THSD7B: variants seen among roughly 807,000 people sequenced by gnomAD.
THSD7B encodes thrombospondin type 1 domain containing 7B, also known as thrombospondin type-1 domain-containing protein 7B.
THSD7B carries 138 observed loss-of-function variants against 213.6 expected under a neutral mutation model. The ratio of observed to expected loss-of-function variants is 0.65; its 90% CI spans 0.56 to 0.74. THSD7B has a LOEUF of 0.74. THSD7B is among the 30% of genes least tolerant of loss of function. The pLI is 0.00. For missense variants in THSD7B, 1,931 were observed against 1,991.5 expected (o/e 0.97, Z 0.58); for synonymous variants, 742 against 687.0 (o/e 1.08, Z -1.25).
intron 2 of THSD7B, among the ~76,000 whole-genome samples, chr2:137,013,006 C>T (rs1049288402): frequency 3.3e-5 from 5 of 152,068 alleles, no homozygotes; most frequent in African/African-American, 7.2e-5. Flanking sequence ...CTTAGCCGGT[C>T]AAGATAACTC....
intron 5 of THSD7B, among the ~76,000 whole-genome samples, chr2:137,146,729 G>T (rs1573852191): frequency 1.3e-5 from 2 of 152,020 alleles, no homozygotes; most frequent in East Asian, 3.9e-4. Context: ...CACATATGCA[G>T]ATATATAGCA....
intron 7 of THSD7B, among the ~76,000 whole-genome samples, chr2:137,204,948 A>C (rs757076027): frequency 6.6e-6 from 1 of 152,080 alleles, no homozygotes; most frequent in Admixed American, 6.6e-5. Context: ...AATCTTCGTC[A>C]TCAGGGAATA....
chr2:137,629,082 C>T (rs1682691414), intron 20 of THSD7B, among the ~76,000 whole-genome samples: 1 of 152,106 alleles, frequency 6.6e-6, no homozygotes. Context: ...CAGTTATTGG[C>T]ACACTGAAAG....
At chr2:137,553,009 G>A (rs1354902783) in intron 15 of THSD7B, among the ~76,000 whole-genome samples, 1 of 151,276 alleles carries the variant, frequency 6.6e-6, no homozygotes, top group Non-Finnish European at 1.5e-5. Flanking sequence ...CTTATGGAAA[G>A]AGCTCACAAC....
At chr2:137,019,677 A>G (rs1468355634) in intron 2 of THSD7B, among the ~76,000 whole-genome samples, 1 of 152,142 alleles carries the variant, frequency 6.6e-6, no homozygotes, top group African/African-American at 2.4e-5. Flanking sequence ...AATTCTTTGT[A>G]TCTATTTTTA....
chr2:137,139,443 C>A (rs1679537011), intron 5 of THSD7B, among the ~76,000 whole-genome samples: 1 of 152,174 alleles, frequency 6.6e-6, no homozygotes, highest in Non-Finnish European at 1.5e-5. Context: ...CAATGTGATA[C>A]AGATGCAAAT....
chr2:137,286,283 T>C (rs185669790), intron 12 of THSD7B, among the ~76,000 whole-genome samples: 1 of 152,228 alleles, frequency 6.6e-6, no homozygotes, highest in Admixed American at 6.5e-5. Context: ...GTTATCTTCA[T>C]GGAGAGAAGG....
At chr2:136,933,931 T>C (rs1178837699) in intron 2 of THSD7B, among the ~76,000 whole-genome samples, 1 of 152,192 alleles carries the variant, frequency 6.6e-6, no homozygotes, top group Non-Finnish European at 1.5e-5. Context: ...CTATTTAGGT[T>C]GCGCTATTAA....
chr2:136,913,459 C>G (rs1684300685), intron 2 of THSD7B, among the ~76,000 whole-genome samples: 2 of 152,240 alleles, frequency 1.3e-5, no homozygotes, highest in African/African-American at 4.8e-5. Context: ...ATGTTAATCC[C>G]CAAGACCAAG....
At position 137,563,290 on chromosome 2, in the gene THSD7B, T is replaced by A. The variant is rs1681160742; in HGVS notation, c.3208T>A (p.Cys1070Ser). 6.2e-7 allele frequency: 1 copy of A among 1,613,356 alleles called. No individual in the cohort carries two copies. The highest frequency in any genetic ancestry group is 8.5e-7 in the Non-Finnish European group (1 of 1,179,630). Residue 1070 changes from cysteine to serine, a missense_variant, in exon 16 of 28, where the codon TGC becomes AGC. Cys to Ser is a moderately radical substitution (Grantham distance 112). Transcript: ENST00000409968. ...YSWVVEHWSS[C>S]KINNELRSLR... ...CTGGGTTGTAGAACACTGGTCTTCATGCAAAATCAACAATGAGCTGAGGTC... is the reference window on the plus strand; with the variant it reads ...CTGGGTTGTAGAACACTGGTCTTCAAGCAAAATCAACAATGAGCTGAGGTC...
intron 15 of THSD7B, among the ~76,000 whole-genome samples, chr2:137,503,985 C>T (rs1679774782): frequency 6.6e-6 from 1 of 150,582 alleles, no homozygotes; most frequent in African/African-American, 2.5e-5. Context: ...CAAGATCATG[C>T]CAGTGCACTC....
chr2:137,163,457 G>A (rs555709293), intron 6 of THSD7B, among the ~76,000 whole-genome samples: 1 of 152,298 alleles, frequency 6.6e-6, no homozygotes, highest in South Asian at 2.1e-4. Flanking sequence ...AGAGTGCCAT[G>A]TGAGGACATT....
At chr2:137,039,636 A>G (rs1310157191) in intron 2 of THSD7B, among the ~76,000 whole-genome samples, 6 of 152,208 alleles carry the variant, frequency 3.9e-5, no homozygotes, top group Non-Finnish European at 8.8e-5. Context: ...AGGAGCGTCC[A>G]TACTTGTCTC....
chr2:137,422,172 T>C (rs1558792178), intron 14 of THSD7B, among the ~76,000 whole-genome samples: 1 of 152,352 alleles, frequency 6.6e-6, no homozygotes, highest in Non-Finnish European at 1.5e-5. Flanking sequence ...TTTATGTGAA[T>C]TATATTGAAT....
chr2:136,882,235 GCT>G lies in THSD7B; in HGVS notation c.60_61del (p.Phe21SerfsTer19). 6.5e-7 allele frequency: 1 copy of G among 1,544,990 alleles called. No homozygotes were observed. Among genetic ancestry groups the G allele is most frequent in the South Asian group, 1.2e-5 (1 of 83,052 alleles). On this transcript the variant is annotated frameshift_variant, in exon 2 of 28. Coordinates refer to ENST00000409968, the MANE Select transcript of THSD7B (RefSeq NM_001316349.2). LOFTEE classifies it high-confidence loss of function. ...GCTGGGTATGGAGGAGCATGAGGAAGCTCTTTCTATTGCTTTCTCTCTTGCTG... is the reference window on the plus strand; with the variant it reads ...GCTGGGTATGGAGGAGCATGAGGAAGCTTTCTATTGCTTTCTCTCTTGCTG... Reference protein sequence around the residue: ...TCWVWRSMRKLFLLLSLLLSH... With the variant: ...TCWVWRSMRKXFLLLSLLLSH...
chr2:136,979,016 C>G (rs749382607), intron 2 of THSD7B, among the ~76,000 whole-genome samples: 15 of 151,434 alleles, frequency 9.9e-5, no homozygotes, highest in Non-Finnish European at 1.8e-4. Context: ...ATTTGGTTGT[C>G]TGAAAAGGAT....
At chr2:137,441,741 A>G (rs1044301153) in intron 14 of THSD7B, among the ~76,000 whole-genome samples, 5 of 152,116 alleles carry the variant, frequency 3.3e-5, no homozygotes, top group Non-Finnish European at 7.4e-5. Context: ...TTATTGACCC[A>G]AAACAGAATC....
chr2:137,601,137 AG>A (rs1397567728), intron 17 of THSD7B, among the ~76,000 whole-genome samples: 1 of 152,234 alleles, frequency 6.6e-6, no homozygotes, highest in Non-Finnish European at 1.5e-5. Flanking sequence ...AAAATAAAAA[AG>A]TTACAGTAAG....
At chr2:137,242,731 A>G (rs1359922430) in intron 10 of THSD7B, among the ~76,000 whole-genome samples, 159 bp downstream of exon 10, 1 of 151,626 alleles carries the variant, frequency 6.6e-6, no homozygotes, top group East Asian at 1.9e-4. Flanking sequence ...GAAGTCTTGT[A>G]TTTCCAAATC....
Sources: allele counts gnomAD v4.1 joint callset (sites outside exome capture counted in the v4.1 genomes callset), GRCh38; gene constraint gnomAD v4.1.1; transcripts MANE v1.5; gene names NCBI Gene and HGNC (gene_info 2026-07-23, HGNC 2026-07-21).